XPNPEP1: variants seen among roughly 807,000 people sequenced by gnomAD.
The protein encoded by XPNPEP1 is X-prolyl aminopeptidase 1, also known as xaa-Pro aminopeptidase 1.
Under a neutral mutation model 92.4 loss-of-function variants are expected in XPNPEP1, and 39 were observed. The ratio of observed to expected loss-of-function variants is 0.42; its 90% confidence interval spans 0.33 to 0.55. The LOEUF (loss-of-function observed/expected upper bound fraction) is 0.55. Ranked by LOEUF, XPNPEP1 falls within the 20% of genes least tolerant of loss-of-function variation. The probability of loss-of-function intolerance (pLI) is 0.08; values close to 1 mark genes in which losing one functional copy is unlikely to be tolerated. For missense variants in XPNPEP1, 654 were observed against 856.1 expected (o/e 0.76, Z 2.95); for synonymous variants, 307 against 299.4 (o/e 1.03, Z -0.26).
intron 18 of XPNPEP1, 137 bp from the exon 19 acceptor site, chr10:109,870,166 G>T (rs562595960): frequency 2.3e-4 from 214 of 938,462 alleles, no homozygotes; most frequent in Non-Finnish European, 1.8e-4. Flanking sequence ...TCTGGTGTAA[G>T]AGCCTAGAGA....
At chr10:109,866,007 G>A (rs1188867610) in intron 20 of XPNPEP1, among the ~76,000 whole-genome samples, 1 of 152,194 alleles carries the variant, frequency 6.6e-6, no homozygotes, top group Admixed American at 6.5e-5. Context: ...GAAAAAGGGT[G>A]AACTCTCCTC....
At chr10:109,901,265 T>TGGGGGGA (rs1441143885) in intron 3 of XPNPEP1, among the ~76,000 whole-genome samples, 1 of 74,058 alleles carries the variant, frequency 1.4e-5, no homozygotes, top group Non-Finnish European at 2.4e-5. Flanking sequence ...TGTCATGGGG[T>TGGGGGGA]GGGGGGAGGG....
intron 16 of XPNPEP1, among the ~76,000 whole-genome samples, chr10:109,872,516 CAA>C (rs963403550): frequency 1.3e-5 from 2 of 152,190 alleles, no homozygotes; most frequent in African/African-American, 4.8e-5. Flanking sequence ...TTGAAAAGCA[CAA>C]AAAGAGTCAC....
intron 3 of XPNPEP1, among the ~76,000 whole-genome samples, chr10:109,904,728 T>C (rs559402765): frequency 6.6e-6 from 1 of 152,236 alleles, no homozygotes; most frequent in Non-Finnish European, 1.5e-5. Flanking sequence ...AAATCTACAA[T>C]GAGCCATCAC....
intron 13 of XPNPEP1, 64 bp from the exon 14 acceptor site, chr10:109,877,931 C>T (rs1211309276): frequency 4.3e-6 from 7 of 1,614,038 alleles, no homozygotes; most frequent in Admixed American, 1.7e-5. Context: ...ATTCAGGGCC[C>T]TTCCAGCCTC....
intron 1 of XPNPEP1, among the ~76,000 whole-genome samples, chr10:109,916,761 A>G (rs1850214923): frequency 6.6e-6 from 1 of 152,240 alleles, no homozygotes; most frequent in Admixed American, 6.5e-5. Flanking sequence ...ATCTAGAACA[A>G]TATAAAAAGG....
intron 2 of XPNPEP1, among the ~76,000 whole-genome samples, chr10:109,909,060 G>A (rs1309153872): frequency 1.3e-5 from 2 of 151,942 alleles, no homozygotes; most frequent in African/African-American, 4.8e-5. Context: ...CACAAGGTCA[G>A]GAGATCGAGA....
rs2133355267 is a variant in XPNPEP1, at chr10:109,870,720, G to A, written c.1696+11C>T. 1.2e-6 allele frequency: 2 copies of A among 1,613,342 alleles called. No individual in the cohort carries two copies. The highest frequency in any genetic ancestry group is 2.2e-5 in the South Asian group (2 of 90,996). On this transcript the variant is annotated intron_variant, in intron 18 of 20. Transcript: ENST00000502935. ...GGATCCACGCATGCCCTCTATGTGA[G>A]GGACACTTACCATCAGTGACAATCA...
At chr10:109,923,064 C>T (rs1047022383) in intron 1 of XPNPEP1, 3 of 762,544 alleles carry the variant, frequency 3.9e-6, no homozygotes, top group Non-Finnish European at 4.8e-6. Context: ...GAGGGGCCAA[C>T]TTCCTCCAAG....
chr10:109,873,987 G>C (rs1045054082), intron 15 of XPNPEP1, among the ~76,000 whole-genome samples: 43 of 152,228 alleles, frequency 2.8e-4, no homozygotes, highest in African/African-American at 1.0e-3. Context: ...TGGAAAAGGG[G>C]GTAGTGACCG....
intron 1 of XPNPEP1, among the ~76,000 whole-genome samples, chr10:109,918,499 C>T (rs1202283688): frequency 3.3e-5 from 5 of 152,070 alleles, no homozygotes; most frequent in Non-Finnish European, 5.9e-5. Context: ...CGGTGGCTCA[C>T]GCCTGTAATC....
intron 4 of XPNPEP1, 40 bp from the exon 5 acceptor site, chr10:109,891,866 C>A (rs375522572): frequency 6.3e-7 from 1 of 1,592,688 alleles, no homozygotes; most frequent in African/African-American, 1.4e-5. Flanking sequence ...AGAAAGGTTT[C>A]TAACAACTGC....
chr10:109,882,391 G>C lies in XPNPEP1; in HGVS notation c.1041+41C>G, dbSNP rs114095869. The C allele has an allele frequency of 2.5e-4, 401 of 1,591,988 alleles. No individual in the cohort carries two copies. In the African/African-American group the frequency reaches 4.8e-3, roughly 19 times the overall value. ...CAAAGACAATACCAGAACTGGGAAG[G>C]GGGTGGCAGAGTTTAGATGGGCCAA... On this transcript the variant is annotated intron_variant, in intron 10 of 20. Transcript: ENST00000502935.
chr10:109,895,458 T>C (rs896561212), intron 3 of XPNPEP1, among the ~76,000 whole-genome samples: 2 of 152,208 alleles, frequency 1.3e-5, no homozygotes, highest in Non-Finnish European at 2.9e-5. Context: ...CAAATGGACA[T>C]GTTTAGTTTG....
Position 109,899,779 on chromosome 10 carries a change from T to C in XPNPEP1, c.247-6704A>G, listed in dbSNP as rs540387823. On this transcript the variant is annotated intron_variant, in intron 3 of 20. Transcript: ENST00000502935. ...CAGTCCCTGACAAAACATCACCCTT[T>C]GACTAAGCCAAGCCCAACAACATAA... Among the ~76,000 whole-genome samples, 4 of 152,334 alleles carry C rather than the reference T, an allele frequency of 2.6e-5. No individual in the cohort carries two copies. In the South Asian group the frequency reaches 8.3e-4, roughly 32 times the overall value.
chr10:109,904,883 A>G (rs182629249), intron 3 of XPNPEP1, among the ~76,000 whole-genome samples: 12 of 152,346 alleles, frequency 7.9e-5, no homozygotes, highest in Admixed American at 2.6e-4. Flanking sequence ...TAGAAGGATC[A>G]TATGATCTGG....
At chr10:109,888,019 G>T in intron 7 of XPNPEP1, 30 bp downstream of exon 7, 1 of 1,610,716 alleles carries the variant, frequency 6.2e-7, no homozygotes, top group Non-Finnish European at 8.5e-7. Flanking sequence ...AATGGCAGGG[G>T]CCCTGCTGGG....
At chr10:109,920,084 G>A (rs1263547011) in intron 1 of XPNPEP1, among the ~76,000 whole-genome samples, 1 of 151,846 alleles carries the variant, frequency 6.6e-6, no homozygotes, top group Non-Finnish European at 1.5e-5. Context: ...TGACATAGGT[G>A]AACCTTGAAA....
chr10:109,869,834 C>A, intron 19 of XPNPEP1, 119 bp downstream of exon 19: 1 of 994,642 alleles, frequency 1.0e-6, no homozygotes, highest in Non-Finnish European at 1.5e-6. Flanking sequence ...CATCTTCCCA[C>A]ACTAAGAAAC....
Sources: allele counts gnomAD v4.1 joint callset (sites outside exome capture counted in the v4.1 genomes callset), GRCh38; gene constraint gnomAD v4.1.1; transcripts MANE v1.5; gene names NCBI Gene and HGNC (gene_info 2026-07-23, HGNC 2026-07-21).